Variants in BBS4 observed in about 807,000 individuals in gnomAD.
BBS4 encodes the protein BBSome complex member BBS4.
Under a neutral mutation model 71.4 loss-of-function variants are expected in BBS4, and 58 were observed. The observed-to-expected ratio is 0.81, with a 90% confidence interval of 0.66 to 1.01. The LOEUF (loss-of-function observed/expected upper bound fraction) is 1.01, where lower values mean the gene tolerates loss of function less well. Ranked by LOEUF, BBS4 falls within the 50% of genes least tolerant of loss-of-function variation. The pLI is 0.00. For synonymous variants in BBS4, 228 were observed against 216.8 expected, an observed-to-expected ratio of 1.05 and a Z score of -0.46; for missense variants, 660 against 607.9, an observed-to-expected ratio of 1.09 and a Z score of -0.90.
rs2065950344 is a variant in BBS4 at position 72,737,557 on chromosome 15, T to C, written c.1530T>C (p.Thr510=). Residue 510 remains threonine, a synonymous_variant, in exon 16 of 16, where the codon ACT becomes ACC. Transcript: ENST00000268057. ...EPEPAVESSP[T]ETSEQIREK ...AGCCTGCGGTGGAATCAAGTCCAAC[T>C]GAAACATCAGAACAAATAAGAGAGA... 1.2e-6 allele frequency: 2 copies of C among 1,611,356 alleles called. No homozygotes were observed. The highest frequency in any genetic ancestry group is 2.7e-5 in the African/African-American group (2 of 74,898).
intron 6 of BBS4, among the ~76,000 whole-genome samples, chr15:72,719,024 A>G (rs936418896): frequency 3.3e-5 from 5 of 152,180 alleles, no homozygotes; most frequent in African/African-American, 4.8e-5. Context: ...ATTACCCTGC[A>G]ATGAGCTGAG....
chr15:72,695,132 G>A, intron 1 of BBS4, 45 bp from the exon 2 acceptor site: 1 of 1,398,234 alleles, frequency 7.2e-7, no homozygotes, highest in Non-Finnish European at 1.0e-6. Flanking sequence ...AAGTTAGCAA[G>A]TTTATATTGT....
intron 6 of BBS4, among the ~76,000 whole-genome samples, chr15:72,721,147 A>T (rs1395983556): frequency 6.6e-6 from 1 of 152,228 alleles, no homozygotes; most frequent in African/African-American, 2.4e-5. Flanking sequence ...TAATATGGAC[A>T]TGATTTGTGA....
intron 8 of BBS4, among the ~76,000 whole-genome samples, chr15:72,726,057 CTCCCAT>C (rs1261478325): frequency 6.9e-6 from 1 of 144,896 alleles, no homozygotes; most frequent in Non-Finnish European, 1.5e-5. Context: ...CTTTCCCTCC[CTCCCAT>C]TCCCATCTTT....
At position 72,695,033 on chromosome 15, in the gene BBS4, T is replaced by A. The variant is rs2065050758; in HGVS notation, c.25-144T>A. ...TTGACATTTGTTTTTTAAACCATATTTAAAGTAACTCTATCACAATATGGA... is the reference window on the plus strand; with the variant it reads ...TTGACATTTGTTTTTTAAACCATATATAAAGTAACTCTATCACAATATGGA... On this transcript the variant is annotated intron_variant, in intron 1 of 15. Coordinates refer to ENST00000268057, the MANE Select transcript of BBS4 (RefSeq NM_033028.5). The A allele has an allele frequency of 4.9e-6, 3 of 611,000 alleles. No individual in the cohort carries two copies. The Admixed American group carries it at 9.4e-5, about 19-fold the overall frequency. The allele number at this position is 611,000 out of a possible 1,614,324, so 37.8% of individuals were successfully genotyped here.
intron 12 of BBS4, among the ~76,000 whole-genome samples, chr15:72,732,001 A>G (rs2065834632): frequency 6.6e-6 from 1 of 152,158 alleles, no homozygotes; most frequent in African/African-American, 2.4e-5. Context: ...TGCCTTGACA[A>G]TTCATTTATG....
chr15:72,686,525 T>A, intron 1 of BBS4: 1 of 1,501,580 alleles, frequency 6.7e-7, no homozygotes, highest in Admixed American at 2.0e-5. Flanking sequence ...TAATGGCTCT[T>A]ACCGTAGTGC....
intron 2 of BBS4, among the ~76,000 whole-genome samples, chr15:72,696,889 G>T (rs1301161440): frequency 6.6e-6 from 1 of 151,614 alleles, no homozygotes; most frequent in Non-Finnish European, 1.5e-5. Flanking sequence ...TTGCACCTGG[G>T]TTATGTAAAT....
intron 2 of BBS4, among the ~76,000 whole-genome samples, chr15:72,706,370 T>C (rs2065264645): frequency 1.3e-5 from 2 of 152,136 alleles, no homozygotes; most frequent in African/African-American, 4.8e-5. Flanking sequence ...TCTCCTGACC[T>C]CATGATCCAC....
intron 5 of BBS4, among the ~76,000 whole-genome samples, chr15:72,716,005 A>G (rs1303235629): frequency 1.3e-5 from 2 of 152,242 alleles, no homozygotes; most frequent in Non-Finnish European, 2.9e-5. Context: ...TGTAGTTAAG[A>G]AAGTGGAGAT....
intron 2 of BBS4, among the ~76,000 whole-genome samples, chr15:72,709,378 C>G (rs1245114146): frequency 6.6e-6 from 1 of 152,190 alleles, no homozygotes; most frequent in Non-Finnish European, 1.5e-5. Context: ...TTTCTGTTCA[C>G]CTTCTATAAC....
intron 8 of BBS4, among the ~76,000 whole-genome samples, chr15:72,727,730 C>T (rs1473403401): frequency 1.3e-5 from 2 of 152,102 alleles, no homozygotes; most frequent in African/African-American, 2.4e-5. Context: ...AATTCTAAGC[C>T]TCATTTTTCT....
chr15:72,694,177 G>A (rs1353224116), intron 1 of BBS4, among the ~76,000 whole-genome samples: 6 of 137,830 alleles, frequency 4.4e-5, no homozygotes, highest in African/African-American at 1.1e-4. Context: ...GAGGCACGGC[G>A]TCTGGCCTTT....
intron 1 of BBS4, 131 bp from the exon 2 acceptor site, chr15:72,695,046 A>G (rs887557193): frequency 4.5e-6 from 3 of 668,536 alleles, no homozygotes; most frequent in East Asian, 2.7e-5. Flanking sequence ...AAGTAACTCT[A>G]TCACAATATG....
chr15:72,720,554 G>A (rs555825313), intron 6 of BBS4, among the ~76,000 whole-genome samples: 15 of 151,586 alleles, frequency 9.9e-5, no homozygotes, highest in Admixed American at 9.2e-4. Context: ...GTATTCCACA[G>A]TCTTGCTGCA....
Position 72,715,416 on chromosome 15 carries a change from AC to A in BBS4, c.332+16del, listed in dbSNP as rs761593203. On this transcript the variant is annotated intron_variant, in intron 5 of 15. Coordinates refer to ENST00000268057, the MANE Select transcript of BBS4 (RefSeq NM_033028.5). Reference sequence around the variant, plus strand: ...GGCCAGATCTTTGTGAGTATTGGCAACCTGGAGGCCCTAGGGCACTCACAGA... The same window carrying A: ...GGCCAGATCTTTGTGAGTATTGGCAACTGGAGGCCCTAGGGCACTCACAGA... 5 of 1,569,992 alleles carry A rather than the reference AC, an allele frequency of 3.2e-6. No homozygotes were observed. The highest frequency in any genetic ancestry group is 4.4e-6 in the Non-Finnish European group (5 of 1,139,958).
chr15:72,719,263 A>AATT (rs2065521873), intron 6 of BBS4, among the ~76,000 whole-genome samples: 1 of 140,918 alleles, frequency 7.1e-6, no homozygotes, highest in Admixed American at 7.1e-5. Context: ...TACTTTCTAA[A>AATT]TTTTTTTTTT....
chr15:72,735,551 A>G (rs2065904753), intron 13 of BBS4: 1 of 549,636 alleles, frequency 1.8e-6, no homozygotes, highest in Non-Finnish European at 3.3e-6. Flanking sequence ...TCTTCTAGAC[A>G]GCAGGGTAGA....
chr15:72,703,000 G>A (rs374817251), intron 2 of BBS4, among the ~76,000 whole-genome samples: 3,905 of 22,858 alleles, frequency 0.17, 54 homozygotes, highest in South Asian at 0.44. Flanking sequence ...TAGTAGAGAC[G>A]GGGTTTCACC....
Sources: gnomAD v4.1 joint callset for allele counts (sites outside exome capture counted in the v4.1 genomes callset) on GRCh38, gnomAD v4.1.1 for gene constraint, MANE v1.5 for transcripts, NCBI Gene and HGNC (gene_info 2026-07-23, HGNC 2026-07-21) for gene names.